FMN2: variants seen among roughly 807,000 people sequenced by gnomAD.
The protein encoded by FMN2 is formin-2.
A neutral mutation model predicts 142.3 loss-of-function variants in FMN2; 51 were observed. That is an observed-to-expected ratio of 0.36 (90% CI 0.29 to 0.45). FMN2 has a LOEUF of 0.45. Among genes scored for constraint, FMN2 ranks in the 20% least tolerant of loss-of-function variants. The probability of loss-of-function intolerance (pLI) is 1.00; values close to 1 mark genes in which losing one functional copy is unlikely to be tolerated. For synonymous variants in FMN2, 882 were observed against 869.8 expected (o/e 1.01, Z -0.25); for missense variants, 1,936 against 2,122.8 (o/e 0.91, Z 1.73).
chr1:240,199,078 C>T (rs1440767268), intron 4 of FMN2, among the ~76,000 whole-genome samples: 1 of 151,884 alleles, frequency 6.6e-6, no homozygotes, highest in East Asian at 1.9e-4. Flanking sequence ...GGACTCCAGC[C>T]TGGGTGACAG....
Position 240,230,326 on chromosome 1 carries a change from G to GAAA in FMN2, c.4065+19094_4065+19096dup, listed in dbSNP as rs138525536. Among the ~76,000 whole-genome samples the GAAA allele has an allele frequency of 9.7e-5, 8 of 82,058 alleles. 1 individual carries two copies. The highest frequency in any genetic ancestry group is 2.0e-4 in the Non-Finnish European group (8 of 39,698). 53.8% of individuals were successfully genotyped at this position (82,058 alleles called of 152,430 possible). ...TGGGCAAGAGAGTCAGACCCTGTCT[G>GAAA]AAAAACAACAACAACAACAAAAAAA... On this transcript the variant is annotated intron_variant, in intron 6 of 17. Coordinates refer to ENST00000319653, the MANE Select transcript of FMN2 (RefSeq NM_020066.5).
chr1:240,395,240 A>T (rs1673735888), intron 15 of FMN2, among the ~76,000 whole-genome samples: 1 of 152,192 alleles, frequency 6.6e-6, no homozygotes, highest in Non-Finnish European at 1.5e-5. Flanking sequence ...AAAAGAAAAG[A>T]TTGCCTTCAA....
chr1:240,227,895 C>T lies in FMN2; in HGVS notation c.4065+16660C>T, dbSNP rs1341741246. ...AAAAAACTTAAAAAGACAACCAACC[C>T]ACAAAATGGGAGGAAATGTTTGCAA... On this transcript the variant is annotated intron_variant, in intron 6 of 17. Transcript: ENST00000319653. 2.6e-5 allele frequency among the ~76,000 whole-genome samples: 4 copies of T among 152,054 alleles called. No homozygotes were observed. The East Asian group carries it at 7.7e-4, about 29-fold the overall frequency.
intron 2 of FMN2, among the ~76,000 whole-genome samples, chr1:240,129,903 T>A (rs1029608113): frequency 6.6e-6 from 1 of 152,194 alleles, no homozygotes; most frequent in African/African-American, 2.4e-5. Flanking sequence ...ATATAATTAA[T>A]ATTGCTATTT....
intron 13 of FMN2, among the ~76,000 whole-genome samples, chr1:240,335,376 T>C (rs1381901214): frequency 6.6e-6 from 1 of 152,200 alleles, no homozygotes; most frequent in Non-Finnish European, 1.5e-5. Flanking sequence ...AATAAAACTA[T>C]GTTACATTTG....
At chr1:240,395,537 A>G (rs1182541151) in intron 15 of FMN2, among the ~76,000 whole-genome samples, 2 of 152,224 alleles carry the variant, frequency 1.3e-5, no homozygotes, top group Non-Finnish European at 2.9e-5. Context: ...TCCTGGAAGC[A>G]GGTCAAAATA....
At chr1:240,221,175 C>T (rs1667097592) in intron 6 of FMN2, among the ~76,000 whole-genome samples, 1 of 152,170 alleles carries the variant, frequency 6.6e-6, no homozygotes. Flanking sequence ...CTGCAATAAA[C>T]ATATGTGTGC....
chr1:240,109,845 T>A (rs1047709135), intron 1 of FMN2, among the ~76,000 whole-genome samples: 1 of 152,164 alleles, frequency 6.6e-6, no homozygotes, highest in Non-Finnish European at 1.5e-5. Flanking sequence ...AGCTACATCA[T>A]CTTATTGTAT....
chr1:240,306,641 G>T (rs1670418035), intron 8 of FMN2, among the ~76,000 whole-genome samples: 1 of 152,174 alleles, frequency 6.6e-6, no homozygotes, highest in South Asian at 2.1e-4. Flanking sequence ...TCTTTATCCA[G>T]TCCACTGTTG....
intron 3 of FMN2, chr1:240,179,716 C>T (rs922913487): frequency 6.6e-6 from 1 of 152,212 alleles, no homozygotes; most frequent in African/African-American, 2.4e-5. Flanking sequence ...GTATTGATCC[C>T]ATTTTCTACA....
intron 4 of FMN2, among the ~76,000 whole-genome samples, chr1:240,200,171 C>T (rs1436460580): frequency 6.6e-6 from 1 of 152,208 alleles, no homozygotes; most frequent in African/African-American, 2.4e-5. Flanking sequence ...CTGGCAGTCT[C>T]TTCGAGATTA....
intron 15 of FMN2, among the ~76,000 whole-genome samples, chr1:240,430,015 A>G (rs1372038077): frequency 6.6e-6 from 1 of 151,322 alleles, no homozygotes; most frequent in Admixed American, 6.6e-5. Context: ...CCTCCCAAGT[A>G]GCTGGGACTA....
At chr1:240,467,580 G>A (rs1017394470) in intron 16 of FMN2, among the ~76,000 whole-genome samples, 1 of 152,082 alleles carries the variant, frequency 6.6e-6, no homozygotes, top group Non-Finnish European at 1.5e-5. Context: ...ATTTCTTTAA[G>A]AGAGAGAAAA....
intron 13 of FMN2, among the ~76,000 whole-genome samples, chr1:240,336,230 G>T (rs1027968145): frequency 6.6e-6 from 1 of 152,106 alleles, no homozygotes; most frequent in Non-Finnish European, 1.5e-5. Context: ...ATCTGCATTT[G>T]CCACCTACAA....
rs1670528316 is a variant in FMN2 at position 240,309,463 on chromosome 1, T to C, written c.4215+14580T>C. 2.6e-5 allele frequency among the ~76,000 whole-genome samples: 4 copies of C among 152,104 alleles called. No individual in the cohort carries two copies. The South Asian group carries it at 8.3e-4, about 32-fold the overall frequency. On this transcript the variant is annotated intron_variant, in intron 8 of 17. Coordinates refer to ENST00000319653, the MANE Select transcript of FMN2 (RefSeq NM_020066.5). ...CAAACCTCAGGGCACAGGCAAGCCTTGGCTGGTGCAGGTGCACAGTGCGTG... is the reference window on the plus strand; with the variant it reads ...CAAACCTCAGGGCACAGGCAAGCCTCGGCTGGTGCAGGTGCACAGTGCGTG...
chr1:240,381,989 A>C (rs1164276557), intron 14 of FMN2, among the ~76,000 whole-genome samples: 2 of 152,188 alleles, frequency 1.3e-5, no homozygotes, highest in Non-Finnish European at 2.9e-5. Flanking sequence ...CAAGCAAGAA[A>C]AAGAAATTAA....
At chr1:240,131,158 TATA>T (rs748385567) in intron 2 of FMN2, among the ~76,000 whole-genome samples, 16 of 152,140 alleles carry the variant, frequency 1.1e-4, no homozygotes, top group Non-Finnish European at 2.2e-4. Flanking sequence ...GAGGAATAAA[TATA>T]GTAGTTTCTG....
chr1:240,223,935 C>T (rs768187594), intron 6 of FMN2, among the ~76,000 whole-genome samples: 14 of 152,102 alleles, frequency 9.2e-5, no homozygotes, highest in Non-Finnish European at 1.8e-4. Flanking sequence ...AACACCAGCT[C>T]CTGGATTCGT....
At chr1:240,453,297 C>G (rs375189649) in intron 16 of FMN2, among the ~76,000 whole-genome samples, 2 of 152,164 alleles carry the variant, frequency 1.3e-5, no homozygotes, top group Non-Finnish European at 2.9e-5. Context: ...CTACCAGCCA[C>G]CCTTCCTTAG....
Sources: allele counts gnomAD v4.1 joint callset (sites outside exome capture counted in the v4.1 genomes callset), GRCh38; gene constraint gnomAD v4.1.1; transcripts MANE v1.5; gene names NCBI Gene and HGNC (gene_info 2026-07-23, HGNC 2026-07-21).